ARHGAP44: variants seen among roughly 807,000 people sequenced by gnomAD.
ARHGAP44 encodes the protein Rho GTPase activating protein 44, also known as rho GTPase-activating protein 44.
Under a neutral mutation model 106.8 loss-of-function variants are expected in ARHGAP44, and 43 were observed. That is an observed-to-expected ratio of 0.40 (90% confidence interval 0.32 to 0.52). The LOEUF (loss-of-function observed/expected upper bound fraction) is 0.52, where lower values mean the gene tolerates loss of function less well. ARHGAP44 is among the 20% of genes least tolerant of loss of function. The pLI is 0.48. For missense variants in ARHGAP44, 866 were observed against 1,050.5 expected (o/e 0.82, Z 2.43); for synonymous variants, 439 against 410.3 (o/e 1.07, Z -0.85).
chr17:12,982,011 CAA>C (rs147787642), intron 19 of ARHGAP44, among the ~76,000 whole-genome samples: 2 of 150,088 alleles, frequency 1.3e-5, no homozygotes, highest in Admixed American at 6.6e-5. Context: ...ACTCTGTCTC[CAA>C]AAAAAAAGAG....
intron 19 of ARHGAP44, among the ~76,000 whole-genome samples, chr17:12,982,152 T>C (rs2039849329): frequency 2.0e-5 from 3 of 152,162 alleles, no homozygotes; most frequent in Admixed American, 1.3e-4. Context: ...TTGACCCTTT[T>C]CGTTTTTGCA....
rs370059442 is a variant in ARHGAP44 at position 12,868,275 on chromosome 17, C to G, written c.54-26665C>G. ...GTCACTTCCTCTTCTTATAGGGACA[C>G]CAGTCATACTGGATTAGGGCTTACC... On this transcript the variant is annotated intron_variant, in intron 1 of 20. Transcript: ENST00000379672. Among the ~76,000 whole-genome samples, 249 of 152,138 alleles carry G rather than the reference C, an allele frequency of 1.6e-3. 2 individuals carry two copies. The highest frequency in any genetic ancestry group is 4.7e-3 in the African/African-American group (197 of 41,494).
At chr17:12,962,252 TCTTA>T (rs2039281035) in intron 16 of ARHGAP44, among the ~76,000 whole-genome samples, 1 of 152,132 alleles carries the variant, frequency 6.6e-6, no homozygotes, top group Non-Finnish European at 1.5e-5. Context: ...ATACAAAGCT[TCTTA>T]CTTCCCTCGC....
chr17:12,902,961 A>G (rs1297381606), intron 3 of ARHGAP44, among the ~76,000 whole-genome samples: 2 of 152,088 alleles, frequency 1.3e-5, no homozygotes, highest in African/African-American at 2.4e-5. Flanking sequence ...GTTGAGAACC[A>G]CTGAGACCCA....
intron 12 of ARHGAP44, among the ~76,000 whole-genome samples, chr17:12,950,964 A>G (rs1341173999): frequency 2.0e-5 from 3 of 152,198 alleles, no homozygotes; most frequent in African/African-American, 7.2e-5. Flanking sequence ...GGCCTGAAAG[A>G]GACCCACCTG....
intron 7 of ARHGAP44, 74 bp from the exon 8 acceptor site, chr17:12,940,982 A>G: frequency 7.8e-7 from 1 of 1,276,444 alleles, no homozygotes; most frequent in Non-Finnish European, 1.1e-6. Flanking sequence ...TTCTCACGTG[A>G]TGTGTTGACT....
chr17:12,979,764 C>T (rs1212759338), intron 18 of ARHGAP44, among the ~76,000 whole-genome samples: 2 of 152,210 alleles, frequency 1.3e-5, no homozygotes, highest in African/African-American at 2.4e-5. Context: ...GGCCCCTGCC[C>T]TCACATTGCT....
At chr17:12,989,678 T>C (rs2040062956) in intron 20 of ARHGAP44, among the ~76,000 whole-genome samples, 1 of 152,132 alleles carries the variant, frequency 6.6e-6, no homozygotes, top group African/African-American at 2.4e-5. Context: ...GGGAATGAAA[T>C]GCAGTCGTCT....
chr17:12,887,958 G>T (rs748698465), intron 1 of ARHGAP44, among the ~76,000 whole-genome samples: 1 of 151,044 alleles, frequency 6.6e-6, no homozygotes, highest in Non-Finnish European at 1.5e-5. Context: ...ATTTCTGCAG[G>T]GTATGTTAAT....
In ARHGAP44 at chr17:12,990,296, G is replaced by A; in HGVS notation, c.*125G>A. The A allele has an allele frequency of 4.5e-6, 6 of 1,325,014 alleles. No individual in the cohort carries two copies. The highest frequency in any genetic ancestry group is 6.1e-6 in the Non-Finnish European group (6 of 986,992). 82.1% of individuals were successfully genotyped at this position (1,325,014 alleles called of 1,614,324 possible). ...CTCTTTCCTGCCACTGCCAACACGA[G>A]GTTGGAATTTGGCAGAAAATTGTGA... On this transcript the variant is annotated 3_prime_UTR_variant, in exon 21 of 21. Transcript: ENST00000379672.
chr17:12,989,096 C>CA (rs373234108), intron 20 of ARHGAP44, among the ~76,000 whole-genome samples: 8,960 of 74,704 alleles, frequency 0.12, 387 homozygotes, highest in Non-Finnish European at 0.15. Flanking sequence ...AAACTCCACC[C>CA]CCCCCAAAAA....
chr17:12,907,736 G>T (rs1390567243), intron 3 of ARHGAP44, among the ~76,000 whole-genome samples: 1 of 152,060 alleles, frequency 6.6e-6, no homozygotes, highest in Admixed American at 6.6e-5. Context: ...CATTTGAGTT[G>T]TTCCCACCTT....
intron 6 of ARHGAP44, among the ~76,000 whole-genome samples, chr17:12,927,341 T>C (rs953178455): frequency 1.3e-5 from 2 of 152,240 alleles, no homozygotes; most frequent in African/African-American, 4.8e-5. Context: ...TCTTGTATTA[T>C]AGAGCCTTGC....
chr17:12,879,702 TAC>T (rs151155255), intron 1 of ARHGAP44, among the ~76,000 whole-genome samples: 7,927 of 146,374 alleles, frequency 0.054, 310 homozygotes, highest in Non-Finnish European at 0.083. Context: ...TATATACACA[TAC>T]ACACACACAG....
At chr17:12,952,700 G>A (rs2039021478) in intron 13 of ARHGAP44, 119 bp downstream of exon 13, 1 of 516,862 alleles carries the variant, frequency 1.9e-6, no homozygotes, top group Admixed American at 3.6e-5. Context: ...GATGTCCAAG[G>A]TATTATTAAC....
intron 1 of ARHGAP44, among the ~76,000 whole-genome samples, chr17:12,863,010 G>A (rs1436003272): frequency 6.7e-6 from 1 of 149,460 alleles, no homozygotes; most frequent in Non-Finnish European, 1.5e-5. Context: ...AAAAAAGGCC[G>A]AGCACAATGT....
At chr17:12,942,287 C>T (rs1446625727) in intron 8 of ARHGAP44, among the ~76,000 whole-genome samples, 2 of 152,220 alleles carry the variant, frequency 1.3e-5, no homozygotes, top group Admixed American at 1.3e-4. Flanking sequence ...GCTGGGACTA[C>T]AGGCGCATGC....
chr17:12,896,441 C>G lies in ARHGAP44; in HGVS notation c.128C>G (p.Ser43Cys). Residue 43 changes from serine (S) to cysteine (C), a missense_variant, in exon 3 of 21, where the codon TCC becomes TGC. Physicochemically the swap from Ser to Cys is moderately radical, Grantham distance 112. This residue lies in a region of ARHGAP44 where 448 missense variants were observed against 646.9 expected (regional missense o/e 0.69). Coordinates refer to ENST00000379672, the MANE Select transcript of ARHGAP44 (RefSeq NM_014859.6). ...EKRLELVKQV[S>C]HSTHKKLTAC... ...CGTCTGGAGCTGGTGAAACAGGTGT[C>G]CCACAGCACGCACAAGAAGCTCACC... is the stretch of plus-strand genomic sequence containing the variant. 1.9e-6 allele frequency: 3 copies of G among 1,608,916 alleles called. No individual in the cohort carries two copies. Among genetic ancestry groups the G allele is most frequent in the Non-Finnish European group, 2.5e-6 (3 of 1,177,986 alleles).
intron 1 of ARHGAP44, among the ~76,000 whole-genome samples, chr17:12,854,819 G>A (rs763351870): frequency 4.6e-5 from 7 of 152,100 alleles, no homozygotes; most frequent in East Asian, 3.9e-4. Context: ...TTAGCCAGGC[G>A]TGGTGGCGCA....
Sources: gnomAD v4.1 joint callset for allele counts (sites outside exome capture counted in the v4.1 genomes callset) on GRCh38, gnomAD v4.1.1 for gene constraint, gnomAD v4.1.1 regional missense constraint, MANE v1.5 for transcripts, NCBI Gene and HGNC (gene_info 2026-07-23, HGNC 2026-07-21) for gene names.